LPA: variants seen among roughly 807,000 people sequenced by gnomAD.
LPA encodes the protein lipoprotein(a).
LPA carries 199 observed loss-of-function variants against 197.9 expected under a neutral mutation model. The ratio of observed to expected loss-of-function variants is 1.01; its 90% CI spans 0.90 to 1.13. The LOEUF (loss-of-function observed/expected upper bound fraction) is 1.13, where lower values mean the gene tolerates loss of function less well. Ranked by LOEUF, LPA falls within the 50% of genes most tolerant of loss-of-function variation. LPA has a pLI of 0.00. For synonymous variants in LPA, 715 were observed against 639.5 expected (o/e 1.12, Z -1.78); for missense variants, 1,853 against 1,785.8 (o/e 1.04, Z -0.68).
chr6:160,564,237 G>A (rs78325178), intron 28 of LPA, among the ~76,000 whole-genome samples: 1,646 of 152,240 alleles, frequency 0.011, 32 homozygotes, highest in African/African-American at 0.038. Context: ...GTTTTCTTCA[G>A]GACCTCTTGT....
At chr6:160,637,519 TGTGA>T (rs1156384720) in intron 6 of LPA, among the ~76,000 whole-genome samples, 22 of 6,610 alleles carry the variant, frequency 3.3e-3, no homozygotes, top group African/African-American at 0.03. Context: ...TCTGCGTGTG[TGTGA>T]GTATGGGTGT....
intron 27 of LPA, among the ~76,000 whole-genome samples, chr6:160,577,895 T>A (rs1778714365): frequency 6.6e-6 from 1 of 152,174 alleles, no homozygotes; most frequent in South Asian, 2.1e-4. Flanking sequence ...TCTCTTCCTC[T>A]TCTTCTGTAG....
At position 160,586,535 on chromosome 6, in the gene LPA, A is replaced by C. The variant is rs770424355; in HGVS notation, c.4043T>G (p.Leu1348Arg). 1.2e-6 allele frequency: 2 copies of C among 1,613,816 alleles called. No homozygotes were observed. The highest frequency in any genetic ancestry group is 2.2e-5 in the South Asian group (2 of 91,078). ...TGATTCCATCACTGGACATTGCGTCAGGTTGCAGTACTCCCATCTGACACT... is the reference window on the plus strand; with the variant it reads ...TGATTCCATCACTGGACATTGCGTCCGGTTGCAGTACTCCCATCTGACACT... ...DPSVRWEYCN[L>R]TQCPVMESTL... Residue 1348 changes from leucine to arginine, a missense_variant, in exon 25 of 39, where the codon CTG becomes CGG. Leu to Arg is a moderately radical substitution (Grantham distance 102). This residue lies in a region of LPA where 1,737 missense variants were observed against 1,504.4 expected (regional missense o/e 1.15). Coordinates refer to ENST00000316300, the MANE Select transcript of LPA (RefSeq NM_005577.4).
At position 160,555,987 on chromosome 6, in the gene LPA, G is replaced by A. The variant is rs528614948; in HGVS notation, c.4973+38C>T. 40 of 1,462,232 alleles carry A rather than the reference G, an allele frequency of 2.7e-5. No individual in the cohort carries two copies. The South Asian group carries it at 4.2e-4, about 15-fold the overall frequency. The allele number at this position is 1,462,232 out of a possible 1,614,324, so 90.6% of individuals were successfully genotyped here. ...GGCTCTTCTAGGAGGAACTTAAGTT[G>A]GCTGTTGCTCCTCTTACAAGTAACA... On this transcript the variant is annotated intron_variant, in intron 30 of 38. Coordinates refer to ENST00000316300, the MANE Select transcript of LPA (RefSeq NM_005577.4).
At chr6:160,576,392 A>ATATATATATATATATATGGG (rs1778671975) in intron 28 of LPA, among the ~76,000 whole-genome samples, 2 of 68,010 alleles carry the variant, frequency 2.9e-5, no homozygotes. Flanking sequence ...ATATATATGT[A>ATATATATATATATATATGGG]TATATATATA....
At chr6:160,608,158 G>A (rs1184954575) in intron 16 of LPA, among the ~76,000 whole-genome samples, 1 of 152,106 alleles carries the variant, frequency 6.6e-6, no homozygotes, top group African/African-American at 2.4e-5. Context: ...TTTGCCAATT[G>A]CTGGGTTCTT....
intron 1 of LPA, among the ~76,000 whole-genome samples, chr6:160,655,193 C>T (rs1250162049): frequency 3.9e-5 from 6 of 152,306 alleles, no homozygotes; most frequent in East Asian, 1.9e-4. Flanking sequence ...CACAGTCAAA[C>T]GTTCAGTTAC....
At chr6:160,556,324 C>T (rs1234884878) in intron 29 of LPA, 140 bp from the exon 30 acceptor site, 3 of 725,186 alleles carry the variant, frequency 4.1e-6, no homozygotes, top group Non-Finnish European at 7.5e-6. Context: ...CATGCTGAAG[C>T]AAAAACAATA....
chr6:160,581,683 G>A (rs1778804603), intron 26 of LPA, among the ~76,000 whole-genome samples: 1 of 151,992 alleles, frequency 6.6e-6, no homozygotes, highest in African/African-American at 2.4e-5. Context: ...TTTATTCCAA[G>A]TTTTTTATTC....
chr6:160,562,475 T>C (rs963591478), intron 28 of LPA, among the ~76,000 whole-genome samples: 1 of 152,196 alleles, frequency 6.6e-6, no homozygotes, highest in Non-Finnish European at 1.5e-5. Flanking sequence ...TTTGCCAGTA[T>C]TTTATTGAGG....
At chr6:160,579,104 G>A (rs1778741900) in intron 26 of LPA, among the ~76,000 whole-genome samples, 1 of 151,644 alleles carries the variant, frequency 6.6e-6, no homozygotes, top group South Asian at 2.1e-4. Flanking sequence ...CTAGCTCTTT[G>A]TCTCTCTCTC....
chr6:160,566,767 C>T (rs973866340), intron 28 of LPA, among the ~76,000 whole-genome samples: 1 of 152,132 alleles, frequency 6.6e-6, no homozygotes. Context: ...CAGAGACACA[C>T]ATAGGCTCAA....
At chr6:160,650,950 G>T (rs12212507) in intron 1 of LPA, among the ~76,000 whole-genome samples, 1 of 152,080 alleles carries the variant, frequency 6.6e-6, no homozygotes, top group Non-Finnish European at 1.5e-5. Flanking sequence ...CTGGGCAATG[G>T]GGGGAGAAAA....
At chr6:160,596,155 C>A (rs999697923) in intron 20 of LPA, among the ~76,000 whole-genome samples, 2 of 152,206 alleles carry the variant, frequency 1.3e-5, no homozygotes, top group Non-Finnish European at 2.9e-5. Context: ...TTTCAGCTTT[C>A]AGAACTGGAA....
intron 16 of LPA, among the ~76,000 whole-genome samples, chr6:160,606,889 C>T (rs1458139247): frequency 6.6e-6 from 1 of 152,168 alleles, no homozygotes; most frequent in Non-Finnish European, 1.5e-5. Flanking sequence ...GTAGCAAACG[C>T]TTCTTAGAAA....
intron 28 of LPA, among the ~76,000 whole-genome samples, chr6:160,571,872 A>C (rs1778568234): frequency 6.6e-6 from 1 of 151,990 alleles, no homozygotes; most frequent in Non-Finnish European, 1.5e-5. Context: ...CCCTTTCTTC[A>C]CGGGGGTGAA....
intron 17 of LPA, among the ~76,000 whole-genome samples, chr6:160,605,872 C>T (rs1312485574): frequency 2.0e-5 from 3 of 152,236 alleles, no homozygotes; most frequent in South Asian, 2.1e-4. Context: ...CTATCCAGAC[C>T]GCTCACAGGT....
chr6:160,634,894 T>C (rs1412891058), intron 7 of LPA, among the ~76,000 whole-genome samples: 5 of 150,120 alleles, frequency 3.3e-5, no homozygotes. Context: ...GTGAAGCCCA[T>C]CACCCTGGAA....
In LPA at chr6:160,605,108, G is replaced by T. The variant is rs1206163047; in HGVS notation, c.2883C>A (p.Cys961Ter). The T allele has an allele frequency of 6.2e-7, 1 of 1,613,782 alleles. No individual in the cohort carries two copies. Among genetic ancestry groups the T allele is most frequent in the African/African-American group, 1.3e-5 (1 of 74,904 alleles). ...TYFITVTGRT[C>*]QAWSSMTPHS... ...GTGGTGTCATAGATGACCAAGCTTG[G>T]CAGGTTCTTCCTGTGACAGTAATGA... The change falls in exon 18 of 39, where the codon TGC becomes TGA. Residue 961 changes from cysteine (C) to a stop codon, truncating the protein, a stop_gained. Coordinates refer to ENST00000316300, the MANE Select transcript of LPA (RefSeq NM_005577.4). LOFTEE classifies it high-confidence loss of function.
Sources: allele counts gnomAD v4.1 joint callset (sites outside exome capture counted in the v4.1 genomes callset), GRCh38; gene constraint gnomAD v4.1.1; regional missense constraint gnomAD v4.1.1; transcripts MANE v1.5; gene names NCBI Gene and HGNC (gene_info 2026-07-23, HGNC 2026-07-21).